TET3: variants seen among roughly 807,000 people sequenced by gnomAD.
TET3 encodes methylcytosine dioxygenase TET3.
In TET3, 19 loss-of-function variants were observed where a neutral mutation model predicts 141.4. The observed-to-expected ratio is 0.13, with a 90% CI of 0.09 to 0.20. The LOEUF (loss-of-function observed/expected upper bound fraction) is 0.20. TET3 is among the 10% of genes least tolerant of loss of function. The pLI, the probability that TET3 is intolerant of heterozygous loss-of-function variation, is 1.00. For missense variants in TET3, 1,874 were observed against 2,356.9 expected (o/e 0.80, Z 4.24); for synonymous variants, 1,043 against 980.9 (o/e 1.06, Z -1.18).
chr2:74,040,966 G>A (rs139862844), intron 3 of TET3, among the ~76,000 whole-genome samples: 10 of 152,264 alleles, frequency 6.6e-5, no homozygotes, highest in Admixed American at 3.9e-4. Context: ...GGGGAAAAGC[G>A]GAGGGTTTCT....
chr2:74,029,038 C>T (rs2105282006), intron 3 of TET3, among the ~76,000 whole-genome samples: 1 of 152,288 alleles, frequency 6.6e-6, no homozygotes, highest in Non-Finnish European at 1.5e-5. Context: ...TAGGGGGTCT[C>T]ATGATTGTTA....
chr2:74,101,882 C>T lies in TET3; in HGVS notation c.5094C>T (p.Asn1698=). The change falls in exon 12 of 12, where the codon AAC becomes AAT. Residue 1698 remains asparagine, a synonymous_variant. Transcript: ENST00000409262. This position sits in a 1 kb window ranked among gnomAD's most constrained non-coding sequence, Gnocchi z 8.5. ...CGCTGGTCTTCTACCAGCACAAGAA[C>T]CTCAACCAGCCCAACCACGGGCTGG... ...RISLVFYQHK[N]LNQPNHGLAL... is the part of the protein sequence containing the mutation. 1 of 1,613,372 alleles carries T rather than the reference C, an allele frequency of 6.2e-7. No individual in the cohort carries two copies.
chr2:74,008,653 T>C (rs929998745), intron 3 of TET3, among the ~76,000 whole-genome samples: 9 of 152,194 alleles, frequency 5.9e-5, no homozygotes, highest in African/African-American at 2.2e-4. Flanking sequence ...CCCTACTTTC[T>C]GTTGCTGAGG....
intron 4 of TET3, among the ~76,000 whole-genome samples, chr2:74,054,679 G>A (rs1478375912): frequency 6.6e-6 from 1 of 152,188 alleles, no homozygotes; most frequent in Non-Finnish European, 1.5e-5. Context: ...AGGCTTTGAA[G>A]AAAGTGTGGA....
At chr2:74,045,105 G>A (rs548099653) in intron 3 of TET3, among the ~76,000 whole-genome samples, 5 of 152,318 alleles carry the variant, frequency 3.3e-5, no homozygotes, top group Admixed American at 3.3e-4. Context: ...CTTGTGATTA[G>A]ATTCAGGTTA....
intron 2 of TET3, among the ~76,000 whole-genome samples, chr2:73,996,611 G>A (rs1283921314): frequency 6.6e-6 from 1 of 152,158 alleles, no homozygotes; most frequent in Admixed American, 6.5e-5. Context: ...GGATTTGAGC[G>A]ATTCTCGTGC....
intron 3 of TET3, among the ~76,000 whole-genome samples, chr2:74,008,181 C>G (rs72905247): frequency 0.021 from 3,135 of 152,294 alleles, 117 homozygotes; most frequent in African/African-American, 0.072. Flanking sequence ...TCTATACCCT[C>G]CATCTTGGGG....
chr2:74,033,895 A>G (rs570192662), intron 3 of TET3, among the ~76,000 whole-genome samples: 2 of 152,304 alleles, frequency 1.3e-5, no homozygotes, highest in Admixed American at 6.5e-5. Flanking sequence ...CAGGAATTCG[A>G]GACCAGCCTG....
intron 3 of TET3, among the ~76,000 whole-genome samples, chr2:74,008,218 G>C (rs1341804150): frequency 2.0e-5 from 3 of 152,276 alleles, no homozygotes; most frequent in East Asian, 1.9e-4. Flanking sequence ...AAAGAGTAGA[G>C]ATCTTTTTGT....
rs1687728213 is a variant in TET3, at chr2:74,047,854, C to T, written c.1937C>T (p.Ala646Val). The T allele has an allele frequency of 1.2e-6, 2 of 1,612,658 alleles. No homozygotes were observed. Among genetic ancestry groups the T allele is most frequent in the South Asian group, 1.1e-5 (1 of 90,854 alleles). Residue 646 changes from alanine (A) to valine (V), a missense_variant, in exon 4 of 12, where the codon GCC (alanine) becomes GTC (valine). Coordinates refer to ENST00000409262, the MANE Select transcript of TET3 (RefSeq NM_001287491.2). ...CAGGAAGTGCAGGCTCATCCACCGGCCCCTCTGCCTGCCTCACAGGGCTCT... is the reference window on the plus strand; with the variant it reads ...CAGGAAGTGCAGGCTCATCCACCGGTCCCTCTGCCTGCCTCACAGGGCTCT... The part of the protein sequence containing the change: ...ASQEVQAHPP[A>V]PLPASQGSAV...
chr2:74,047,000 G>A lies in TET3; in HGVS notation c.1083G>A (p.Glu361=), dbSNP rs753282952. 1.2e-6 allele frequency: 2 copies of A among 1,613,946 alleles called. No homozygotes were observed. Among genetic ancestry groups the A allele is most frequent in the Admixed American group, 3.3e-5 (2 of 60,020 alleles). The change falls in exon 4 of 12, where the codon GAG becomes GAA. Residue 361 remains glutamate (E), a synonymous_variant. Coordinates refer to ENST00000409262, the MANE Select transcript of TET3 (RefSeq NM_001287491.2). The surrounding 1 kb of genome is among the most constrained non-coding windows in gnomAD (Gnocchi z 4.3). The part of the protein sequence containing the change: ...NISLQTAIAI[E]ALTQLSSALP... The stretch of plus-strand genomic sequence containing the variant: ...GCTTGCAGACCGCCATTGCCATTGA[G>A]GCCCTCACACAGCTCTCCTCTGCCC...
At chr2:74,100,070 G>A (rs895894156) in intron 11 of TET3, among the ~76,000 whole-genome samples, 3 of 152,186 alleles carry the variant, frequency 2.0e-5, no homozygotes, top group Non-Finnish European at 4.4e-5. Context: ...CAGAGTGGGT[G>A]GTGGTGGTTC....
chr2:73,992,225 A>G (rs572194231), intron 2 of TET3, among the ~76,000 whole-genome samples: 1 of 152,048 alleles, frequency 6.6e-6, no homozygotes, highest in East Asian at 1.9e-4. Context: ...CCAGCCAGCT[A>G]CCCTACCTGA....
chr2:74,063,748 G>A (rs1469482722), intron 4 of TET3, among the ~76,000 whole-genome samples: 1 of 152,078 alleles, frequency 6.6e-6, no homozygotes, highest in Non-Finnish European at 1.5e-5. Context: ...ATACCATATT[G>A]TGCAGTTAAA....
chr2:74,042,820 G>GT, intron 3 of TET3, among the ~76,000 whole-genome samples: 1 of 152,312 alleles, frequency 6.6e-6, no homozygotes, highest in East Asian at 1.9e-4. Flanking sequence ...GTTGAGAAAG[G>GT]TATCAGTGGG....
chr2:74,047,499 C>T lies in TET3; in HGVS notation c.1582C>T (p.Leu528=), dbSNP rs746317139. 9 of 1,613,050 alleles carry T rather than the reference C, an allele frequency of 5.6e-6. No homozygotes were observed. Among genetic ancestry groups the T allele is most frequent in the Admixed American group, 1.7e-5 (1 of 60,030 alleles). The change falls in exon 4 of 12, where the codon CTG becomes TTG. Residue 528 remains leucine (L), a synonymous_variant. Coordinates refer to ENST00000409262, the MANE Select transcript of TET3 (RefSeq NM_001287491.2). ...CACCCACCAGAAGGCCCAGACCGCC[C>T]TGCAGCAGCACCTCCACCACAAGCG... is the stretch of plus-strand genomic sequence containing the variant. The part of the protein sequence containing the change: ...PDTHQKAQTA[L]QQHLHHKRSL...
chr2:74,025,940 A>G (rs1367197864), intron 3 of TET3, among the ~76,000 whole-genome samples: 1 of 151,966 alleles, frequency 6.6e-6, no homozygotes, highest in Admixed American at 6.5e-5. Flanking sequence ...CTCATCTCCA[A>G]AAAAAAATAA....
rs146350073 is a variant in TET3 at position 74,092,979 on chromosome 2, C to T, written c.3117C>T (p.Ala1039=). 9.2e-4 allele frequency: 1,453 copies of T among 1,572,728 alleles called. 1 individual carries two copies. The highest frequency in any genetic ancestry group is 1.2e-3 in the Non-Finnish European group (1,347 of 1,158,964). Reference sequence around the variant, plus strand: ...TGTACAAGCGACTGGCCCCTCAGGCCTATCAGAACCAGGTAACGGGCCCTG... The same window carrying T: ...TGTACAAGCGACTGGCCCCTCAGGCTTATCAGAACCAGGTAACGGGCCCTG... ...APLYKRLAPQ[A]YQNQVTNEEI... Residue 1039 remains alanine (A), a synonymous_variant, in exon 9 of 12, where the codon GCC becomes GCT. Coordinates refer to ENST00000409262, the MANE Select transcript of TET3 (RefSeq NM_001287491.2).
intron 7 of TET3, among the ~76,000 whole-genome samples, chr2:74,089,176 C>A (rs1690336500): frequency 6.6e-6 from 1 of 151,972 alleles, no homozygotes; most frequent in African/African-American, 2.4e-5. Context: ...CTCCCCTAGC[C>A]CTGGGCAGTC....
Sources: gnomAD v4.1 joint callset for allele counts (sites outside exome capture counted in the v4.1 genomes callset) on GRCh38, gnomAD v4.1.1 for gene constraint, Gnocchi (gnomAD v3.1) non-coding constraint, MANE v1.5 for transcripts, NCBI Gene and HGNC (gene_info 2026-07-23, HGNC 2026-07-21) for gene names.